DAB1: variants seen among roughly 807,000 people sequenced by gnomAD.
DAB1 encodes the protein disabled homolog 1.
A neutral mutation model predicts 64.6 loss-of-function variants in DAB1; 15 were observed. That is an observed-to-expected ratio of 0.23 (90% CI 0.16 to 0.36). The LOEUF is 0.36. Ranked by LOEUF, DAB1 falls within the 10% of genes least tolerant of loss-of-function variation. The pLI is 1.00. For synonymous variants in DAB1, 235 were observed against 251.9 expected (o/e 0.93, Z 0.64); for missense variants, 596 against 706.7 (o/e 0.84, Z 1.78).
intron 7 of DAB1, among the ~76,000 whole-genome samples, chr1:57,472,676 G>A (rs1687182661): frequency 6.6e-6 from 1 of 152,040 alleles, no homozygotes; most frequent in Non-Finnish European, 1.5e-5. Context: ...TTAGAGTTGT[G>A]AGCCCTTAAA....
intron 6 of DAB1, among the ~76,000 whole-genome samples, chr1:57,738,946 T>C (rs1458046964): frequency 6.6e-6 from 1 of 152,190 alleles, no homozygotes; most frequent in Non-Finnish European, 1.5e-5. Flanking sequence ...ATGCCCTAAA[T>C]GGTAAAGTGC....
chr1:57,444,515 A>G (rs755526177), intron 7 of DAB1, among the ~76,000 whole-genome samples: 24 of 152,262 alleles, frequency 1.6e-4, no homozygotes, highest in Non-Finnish European at 3.2e-4. Context: ...GGAATCAGTG[A>G]CTGTTACCTT....
At chr1:57,848,606 T>C (rs1653389238) in intron 1 of DAB1, among the ~76,000 whole-genome samples, 1 of 152,196 alleles carries the variant, frequency 6.6e-6, no homozygotes, top group Non-Finnish European at 1.5e-5. Context: ...CAGAAGTAGC[T>C]GTTATATCAC....
At chr1:57,325,383 C>T (rs897832997) in intron 1 of DAB1, among the ~76,000 whole-genome samples, 3 of 152,168 alleles carry the variant, frequency 2.0e-5, no homozygotes, top group African/African-American at 7.2e-5. Context: ...CAAAACTCAG[C>T]CCCAACACTT....
At chr1:57,705,153 T>C (rs943708433) in intron 6 of DAB1, among the ~76,000 whole-genome samples, 1 of 152,182 alleles carries the variant, frequency 6.6e-6, no homozygotes, top group Non-Finnish European at 1.5e-5. Context: ...ACTGAATAAA[T>C]GCATAGGCTA....
intron 5 of DAB1, among the ~76,000 whole-genome samples, chr1:58,092,903 T>G (rs1454253582): frequency 6.6e-6 from 1 of 152,156 alleles, no homozygotes; most frequent in African/African-American, 2.4e-5. Flanking sequence ...CCAGTTTGGT[T>G]TCTTCTAATC....
intron 2 of DAB1, among the ~76,000 whole-genome samples, chr1:57,270,614 A>G (rs1670916332): frequency 1.3e-5 from 2 of 152,222 alleles, no homozygotes; most frequent in South Asian, 2.1e-4. Flanking sequence ...GCTCTTAAAT[A>G]CTCTTCATTA....
chr1:58,020,328 A>T (rs1277601473), intron 5 of DAB1, among the ~76,000 whole-genome samples: 1 of 152,234 alleles, frequency 6.6e-6, no homozygotes, highest in East Asian at 1.9e-4. Flanking sequence ...GGCCACCAAT[A>T]CATTAAAATA....
chr1:57,061,465 T>C (rs548688278), intron 9 of DAB1, among the ~76,000 whole-genome samples: 8 of 152,318 alleles, frequency 5.3e-5, no homozygotes, highest in Admixed American at 1.3e-4. Context: ...TGACAAGTGG[T>C]CTGCAAGTCT....
chr1:58,399,967 C>T (rs915450801), intron 3 of DAB1, among the ~76,000 whole-genome samples: 2 of 151,608 alleles, frequency 1.3e-5, no homozygotes, highest in Non-Finnish European at 2.9e-5. Flanking sequence ...TTGGTTGTAA[C>T]GAAAACCAGC....
chr1:57,012,123 C>T, intron 12 of DAB1, among the ~76,000 whole-genome samples: 1 of 152,208 alleles, frequency 6.6e-6, no homozygotes, highest in Admixed American at 6.5e-5. Context: ...ATACTGGTTA[C>T]TGGCTAAGAC....
intron 1 of DAB1, chr1:57,866,495 T>C (rs2101949888): frequency 6.6e-6 from 1 of 152,310 alleles, no homozygotes; most frequent in South Asian, 2.1e-4. Context: ...GTTCATGTTC[T>C]TCTATGGAGA....
At chr1:58,033,337 C>T (rs773163544) in intron 5 of DAB1, among the ~76,000 whole-genome samples, 1 of 152,132 alleles carries the variant, frequency 6.6e-6, no homozygotes, top group African/African-American at 2.4e-5. Context: ...GTTCAGTGTC[C>T]TTTCATCCCA....
At chr1:57,254,414 G>T (rs1242056555) in intron 2 of DAB1, among the ~76,000 whole-genome samples, 3 of 152,226 alleles carry the variant, frequency 2.0e-5, no homozygotes, top group African/African-American at 4.8e-5. Context: ...ATTACCAAAA[G>T]CAGCTATTTT....
intron 3 of DAB1, among the ~76,000 whole-genome samples, chr1:58,501,836 T>C (rs1157002314): frequency 6.6e-6 from 1 of 151,974 alleles, no homozygotes; most frequent in Non-Finnish European, 1.5e-5. Context: ...GTAACTAAGG[T>C]TTAATGAGGT....
intron 7 of DAB1, among the ~76,000 whole-genome samples, chr1:57,464,531 G>A (rs1023023639): frequency 7.2e-5 from 11 of 152,202 alleles, no homozygotes; most frequent in African/African-American, 2.4e-4. Flanking sequence ...TCTTCATGAG[G>A]CACATCTTCT....
intron 4 of DAB1, among the ~76,000 whole-genome samples, chr1:58,336,884 G>A (rs1303815643): frequency 6.6e-6 from 1 of 152,150 alleles, no homozygotes; most frequent in Non-Finnish European, 1.5e-5. Flanking sequence ...TAGGATTTAA[G>A]CCCAGATCTG....
intron 7 of DAB1, among the ~76,000 whole-genome samples, chr1:57,538,977 A>C (rs1428460558): frequency 6.6e-6 from 1 of 152,222 alleles, no homozygotes; most frequent in East Asian, 1.9e-4. Context: ...AACTTGCTTC[A>C]AAATTGCAGC....
chr1:58,356,384 C>CA (rs1251596111), intron 3 of DAB1, among the ~76,000 whole-genome samples: 1 of 152,026 alleles, frequency 6.6e-6, no homozygotes, highest in Non-Finnish European at 1.5e-5. Flanking sequence ...TAGAGCGAGA[C>CA]AAAAATATAT....
Sources: gnomAD v4.1 joint callset for allele counts (sites outside exome capture counted in the v4.1 genomes callset) on GRCh38, gnomAD v4.1.1 for gene constraint, MANE v1.5 for transcripts, NCBI Gene and HGNC (gene_info 2026-07-23, HGNC 2026-07-21) for gene names.